The following ARMC8 variants were observed in gnomAD, a reference collection of about 807,000 sequenced individuals.
ARMC8 encodes armadillo repeat containing 8.
Under a neutral mutation model 99.3 loss-of-function variants are expected in ARMC8, and 20 were observed. The observed-to-expected ratio is 0.20, with a 90% CI of 0.14 to 0.29. The LOEUF is 0.29. Among genes scored for constraint, ARMC8 ranks in the 10% least tolerant of loss-of-function variants. ARMC8 has a pLI of 1.00. For missense variants in ARMC8, 569 were observed against 809.5 expected (o/e 0.70, Z 3.60); for synonymous variants, 263 against 278.3 (o/e 0.95, Z 0.55).
chr3:138,200,672 C>G (rs1197710940), intron 1 of ARMC8, among the ~76,000 whole-genome samples: 1 of 151,978 alleles, frequency 6.6e-6, no homozygotes, highest in Non-Finnish European at 1.5e-5. Flanking sequence ...GAGCATGGGG[C>G]TTTCTGAGTG....
intron 14 of ARMC8, among the ~76,000 whole-genome samples, 157 bp downstream of exon 14, chr3:138,264,369 A>G (rs2048045658): frequency 6.6e-6 from 1 of 151,584 alleles, no homozygotes; most frequent in African/African-American, 2.4e-5. Context: ...AGCATCTACA[A>G]ATGCTTCATG....
chr3:138,228,694 C>T (rs1303983965), intron 5 of ARMC8: 1 of 524,898 alleles, frequency 1.9e-6, no homozygotes, highest in East Asian at 4.6e-5. Context: ...ATTTCCTGTT[C>T]TCATATTTTG....
chr3:138,295,018 C>G (rs1400165280), intron 21 of ARMC8, among the ~76,000 whole-genome samples: 3 of 151,878 alleles, frequency 2.0e-5, no homozygotes, highest in African/African-American at 7.3e-5. Context: ...CCTGGCTCAG[C>G]CTCCGAAGTG....
At chr3:138,220,740 G>GTGACA (rs2045349450) in intron 2 of ARMC8, among the ~76,000 whole-genome samples, 1 of 150,008 alleles carries the variant, frequency 6.7e-6, no homozygotes. Flanking sequence ...CCCTGACTGG[G>GTGACA]GTGCAGTGGC....
At chr3:138,233,660 G>A (rs893115745) in intron 6 of ARMC8, among the ~76,000 whole-genome samples, 4 of 152,184 alleles carry the variant, frequency 2.6e-5, no homozygotes, top group Admixed American at 6.5e-5. Context: ...TCAGAAGTAC[G>A]AATGCTAATT....
In ARMC8 at chr3:138,272,955, T is replaced by C; in HGVS notation, c.1480-12T>C. ...GTAGACATGATTCTTGCAACTTCTT[T>C]AATCCTTTCAGAATATGGCATTTCA... is the stretch of plus-strand genomic sequence containing the variant. On this transcript the variant is annotated splice_polypyrimidine_tract_variant and intron_variant, in intron 16 of 21. Coordinates refer to ENST00000469044, the MANE Select transcript of ARMC8 (RefSeq NM_001363941.2). The C allele has an allele frequency of 6.4e-7, 1 of 1,553,502 alleles. No individual in the cohort carries two copies. Among genetic ancestry groups the C allele is most frequent in the East Asian group, 2.3e-5 (1 of 43,816 alleles).
chr3:138,291,133 A>G (rs1364389795), intron 21 of ARMC8, among the ~76,000 whole-genome samples: 1 of 152,252 alleles, frequency 6.6e-6, no homozygotes, highest in Non-Finnish European at 1.5e-5. Flanking sequence ...ACCTCAAAAT[A>G]GCCATAAATG....
At chr3:138,245,900 C>CT (rs2046858404) in intron 12 of ARMC8, 1 of 985,404 alleles carries the variant, frequency 1.0e-6, no homozygotes, top group African/African-American at 1.7e-5. Flanking sequence ...CATGTATAAC[C>CT]TAATAAATTC....
rs2044365458 is a variant in ARMC8, at chr3:138,206,257, A to T, written c.46-3560A>T. Reference sequence around the variant, plus strand: ...TAAAAGTTTTAAAATAACTGAATCCAGTATTGGTTTTTTAATTTTAATTAA... The same window carrying T: ...TAAAAGTTTTAAAATAACTGAATCCTGTATTGGTTTTTTAATTTTAATTAA... On this transcript the variant is annotated intron_variant, in intron 1 of 21. Coordinates refer to ENST00000469044, the MANE Select transcript of ARMC8 (RefSeq NM_001363941.2). Among the ~76,000 whole-genome samples, 2 of 152,244 alleles carry T rather than the reference A, an allele frequency of 1.3e-5. 1 individual carries two copies. The highest frequency in any genetic ancestry group is 4.1e-4 in the South Asian group (2 of 4,834).
chr3:138,255,905 G>A (rs778005605), intron 12 of ARMC8, among the ~76,000 whole-genome samples: 9 of 152,210 alleles, frequency 5.9e-5, no homozygotes, highest in Non-Finnish European at 8.8e-5. Context: ...GCTCGAACCC[G>A]GGAGGCGGAG....
intron 12 of ARMC8, among the ~76,000 whole-genome samples, chr3:138,263,353 G>A (rs2047939074): frequency 6.6e-6 from 1 of 152,222 alleles, no homozygotes; most frequent in African/African-American, 2.4e-5. Context: ...TGAGGGCTGA[G>A]CATGGACTGT....
At chr3:138,242,038 T>C in intron 11 of ARMC8, 55 bp downstream of exon 11, 1 of 1,488,908 alleles carries the variant, frequency 6.7e-7, no homozygotes, top group South Asian at 1.1e-5. Flanking sequence ...AAGTTTTTCT[T>C]ACTGTTCACA....
chr3:138,236,677 A>G (rs2046348948), intron 7 of ARMC8, among the ~76,000 whole-genome samples: 1 of 152,092 alleles, frequency 6.6e-6, no homozygotes, highest in Non-Finnish European at 1.5e-5. Context: ...ACATTAAAAC[A>G]TCATGTGTAG....
chr3:138,242,097 T>A lies in ARMC8; in HGVS notation c.1038+114T>A, dbSNP rs6783016. ...AGCTTAAAGCCCTTTTAAATAAAGG[T>A]TCTTTTATCTTTGGTAACATAGATA... On this transcript the variant is annotated intron_variant, in intron 11 of 21. Transcript: ENST00000469044. 14,394 of 776,480 alleles carry A rather than the reference T, an allele frequency of 0.019. 1,469 individuals are homozygous for A. In the African/African-American group the frequency reaches 0.22, roughly 12 times the overall value. 48.1% of individuals were successfully genotyped at this position (776,480 alleles called of 1,614,324 possible).
chr3:138,253,387 GC>G (rs1353125161), intron 12 of ARMC8, among the ~76,000 whole-genome samples: 1 of 152,168 alleles, frequency 6.6e-6, no homozygotes, highest in South Asian at 2.1e-4. Context: ...TTTGACCAAG[GC>G]CCCCCAGCTA....
At chr3:138,202,231 A>G (rs536095186) in intron 1 of ARMC8, among the ~76,000 whole-genome samples, 2 of 152,356 alleles carry the variant, frequency 1.3e-5, no homozygotes, top group Non-Finnish European at 2.9e-5. Flanking sequence ...TGGTTTAAAC[A>G]TTCATTTCGT....
intron 1 of ARMC8, chr3:138,187,944 G>A: frequency 2.8e-6 from 1 of 355,020 alleles, no homozygotes; most frequent in Non-Finnish European, 5.2e-6. Context: ...GCCGCTTCCC[G>A]GGGGCCGAAC....
chr3:138,209,665 C>T (rs2044585601), intron 1 of ARMC8, 152 bp from the exon 2 acceptor site: 2 of 625,480 alleles, frequency 3.2e-6, no homozygotes, highest in Non-Finnish European at 5.7e-6. Context: ...TTAAGTATCC[C>T]ATATCATGAG....
At chr3:138,282,772 C>A (rs2050062142) in intron 18 of ARMC8, among the ~76,000 whole-genome samples, 1 of 151,988 alleles carries the variant, frequency 6.6e-6, no homozygotes, top group South Asian at 2.1e-4. Context: ...ACTCCTAAAA[C>A]ATTGACTGTC....
Sources: gnomAD v4.1 joint callset for allele counts (sites outside exome capture counted in the v4.1 genomes callset) on GRCh38, gnomAD v4.1.1 for gene constraint, MANE v1.5 for transcripts, NCBI Gene and HGNC (gene_info 2026-07-23, HGNC 2026-07-21) for gene names.